KIF1B: variants seen among roughly 807,000 people sequenced by gnomAD.
The protein encoded by KIF1B is kinesin-like protein KIF1B.
Under a neutral mutation model 241.9 loss-of-function variants are expected in KIF1B, and 76 were observed. The ratio of observed to expected loss-of-function variants is 0.31; its 90% CI spans 0.26 to 0.38. The LOEUF (loss-of-function observed/expected upper bound fraction) is 0.38. KIF1B is among the 10% of genes least tolerant of loss of function. The pLI is 1.00. For synonymous variants in KIF1B, 750 were observed against 796.7 expected, an observed-to-expected ratio of 0.94 and a Z score of 0.99; for missense variants, 1,622 against 2,271.4, an observed-to-expected ratio of 0.71 and a Z score of 5.81.
rs761449546 is a variant in KIF1B at position 10,291,133 on chromosome 1, C to G, written c.1486C>G (p.Arg496Gly). Residue 496 changes from arginine to glycine, a missense_variant, in exon 16 of 49, where the codon CGT (arginine) becomes GGT (glycine). Physicochemically the swap from Arg to Gly is moderately radical, Grantham distance 125. This residue lies in a region of KIF1B where 57 missense variants were observed against 149.0 expected (regional missense o/e 0.38). Transcript: ENST00000676179. ...GAATGAAACTTGGGAAGAGAAGCTT[C>G]GTAAAACAGAGGCCATCAGAATGGA... ...ELNETWEEKL[R>G]KTEAIRMERE... is the part of the protein sequence containing the mutation. 1.2e-6 allele frequency: 2 copies of G among 1,612,940 alleles called. No homozygotes were observed. The highest frequency in any genetic ancestry group is 2.2e-5 in the South Asian group (2 of 91,028).
At chr1:10,286,372 G>A (rs1271042784) in intron 15 of KIF1B, among the ~76,000 whole-genome samples, 2 of 152,230 alleles carry the variant, frequency 1.3e-5, no homozygotes, top group Non-Finnish European at 2.9e-5. Context: ...ACATGCAGCT[G>A]TAGCCACAGC....
At chr1:10,334,718 T>TA in intron 28 of KIF1B, 80 bp downstream of exon 28, 1 of 1,056,784 alleles carries the variant, frequency 9.5e-7, no homozygotes, top group Non-Finnish European at 1.5e-6. Flanking sequence ...TGGGTCACGC[T>TA]TATATTACAC....
intron 2 of KIF1B, among the ~76,000 whole-genome samples, chr1:10,236,537 T>C (rs1396645762): frequency 1.3e-5 from 2 of 152,216 alleles, no homozygotes; most frequent in Non-Finnish European, 2.9e-5. Flanking sequence ...CGGGTTAGTT[T>C]TCTAGCTAAA....
At chr1:10,324,676 C>A (rs879242772) in intron 25 of KIF1B, 82 bp from the exon 26 acceptor site, 11 of 1,426,868 alleles carry the variant, frequency 7.7e-6, no homozygotes, top group Non-Finnish European at 9.7e-6. Context: ...TGAAGAAAAT[C>A]TTGAACGGAA....
intron 1 of KIF1B, among the ~76,000 whole-genome samples, chr1:10,214,637 T>C (rs34420285): frequency 0.49 from 71,635 of 145,078 alleles, 17,880 homozygotes; most frequent in African/African-American, 0.6. Context: ...GGCTGGAGTG[T>C]AGTGGTGTGA....
intron 34 of KIF1B, chr1:10,345,472 A>AC: frequency 3.3e-6 from 1 of 304,208 alleles, no homozygotes; most frequent in Middle Eastern, 1.2e-3. Flanking sequence ...AGCCCCTGTG[A>AC]CGTGAGGCTT....
At chr1:10,342,744 A>T (rs1426304584) in intron 33 of KIF1B, among the ~76,000 whole-genome samples, 1 of 152,244 alleles carries the variant, frequency 6.6e-6, no homozygotes, top group African/African-American at 2.4e-5. Context: ...TGATACCAAC[A>T]TCCAACTCTT....
intron 22 of KIF1B, among the ~76,000 whole-genome samples, chr1:10,314,991 A>G (rs1343193616): frequency 6.6e-6 from 1 of 150,738 alleles, no homozygotes; most frequent in Admixed American, 6.6e-5. Flanking sequence ...TGTAATGTAT[A>G]GTTTTTCCCC....
intron 38 of KIF1B, among the ~76,000 whole-genome samples, chr1:10,359,967 A>C (rs1291083551): frequency 1.3e-5 from 2 of 152,146 alleles, no homozygotes; most frequent in Admixed American, 1.3e-4. Context: ...CAAGAGGCAG[A>C]GGTTGCAGTG....
intron 2 of KIF1B, among the ~76,000 whole-genome samples, chr1:10,248,443 C>T (rs913631001): frequency 3.9e-5 from 6 of 152,104 alleles, no homozygotes; most frequent in African/African-American, 1.4e-4. Context: ...TCAAGTGATC[C>T]TCCTACCTCA....
intron 22 of KIF1B, among the ~76,000 whole-genome samples, chr1:10,301,433 A>G (rs187734328): frequency 2.0e-5 from 3 of 152,224 alleles, no homozygotes; most frequent in East Asian, 1.9e-4. Flanking sequence ...TGGGAGGCCA[A>G]GGTGGGTGGA....
intron 43 of KIF1B, among the ~76,000 whole-genome samples, chr1:10,366,212 C>G (rs953170148): frequency 6.6e-6 from 1 of 151,996 alleles, no homozygotes; most frequent in Non-Finnish European, 1.5e-5. Flanking sequence ...GCCTGAGCGA[C>G]AGAGTGACAC....
At chr1:10,280,114 G>A (rs1649331475) in intron 14 of KIF1B, among the ~76,000 whole-genome samples, 1 of 152,106 alleles carries the variant, frequency 6.6e-6, no homozygotes, top group African/African-American at 2.4e-5. Flanking sequence ...ATCTTAAGTT[G>A]GTGAGGAAAT....
In KIF1B at chr1:10,276,344, G is replaced by A. The variant is rs1480952079; in HGVS notation, c.982G>A (p.Val328Ile). 1 of 1,613,876 alleles carries A rather than the reference G, an allele frequency of 6.2e-7. No homozygotes were observed. The stretch of plus-strand genomic sequence containing the variant: ...AGGTGGCAATTCTCGGACTGCAATG[G>A]TTGCTGCTCTGAGCCCCGCGGATAT... ...NLGGNSRTAMVAALSPADINY... is the reference protein window; with the variant it reads ...NLGGNSRTAMIAALSPADINY... Residue 328 changes from valine (V) to isoleucine (I), a missense_variant, in exon 12 of 49, where the codon GTT (valine) becomes ATT (isoleucine). Val to Ile is a conservative substitution (Grantham distance 29, BLOSUM62 3). This residue lies in a region of KIF1B where 201 missense variants were observed against 301.2 expected (regional missense o/e 0.67). Transcript: ENST00000676179.
intron 15 of KIF1B, among the ~76,000 whole-genome samples, chr1:10,288,877 T>G (rs986289135): frequency 1.3e-5 from 2 of 152,212 alleles, no homozygotes; most frequent in Non-Finnish European, 2.9e-5. Context: ...TCCAGTCATG[T>G]AATATTCTGG....
chr1:10,275,363 T>C, intron 10 of KIF1B, 65 bp from the exon 11 acceptor site: 1 of 848,256 alleles, frequency 1.2e-6, no homozygotes, highest in Non-Finnish European at 2.1e-6. Flanking sequence ...TTAGACTGAT[T>C]TGCCTTTCTT....
intron 32 of KIF1B, among the ~76,000 whole-genome samples, chr1:10,340,711 G>T (rs532308130): frequency 4.5e-4 from 68 of 152,254 alleles, no homozygotes; most frequent in African/African-American, 1.5e-3. Context: ...AGGATGGGGG[G>T]GTTGCAGTGA....
chr1:10,281,611 C>T (rs1171978970), intron 14 of KIF1B, among the ~76,000 whole-genome samples: 4 of 152,146 alleles, frequency 2.6e-5, no homozygotes, highest in Non-Finnish European at 5.9e-5. Flanking sequence ...AGAATGGAAC[C>T]TGCACTAAAA....
intron 22 of KIF1B, among the ~76,000 whole-genome samples, chr1:10,315,762 A>G (rs1651275146): frequency 6.6e-6 from 1 of 151,362 alleles, no homozygotes; most frequent in African/African-American, 2.5e-5. Context: ...TTTGTTAAGA[A>G]TGCTATAAAG....
Sources: gnomAD v4.1 joint callset for allele counts (sites outside exome capture counted in the v4.1 genomes callset) on GRCh38, gnomAD v4.1.1 for gene constraint, gnomAD v4.1.1 regional missense constraint, MANE v1.5 for transcripts, NCBI Gene and HGNC (gene_info 2026-07-23, HGNC 2026-07-21) for gene names.